VCL: variants seen among roughly 807,000 people sequenced by gnomAD.
VCL encodes the protein vinculin.
Under a neutral mutation model 125.7 loss-of-function variants are expected in VCL, and 47 were observed. The ratio of observed to expected loss-of-function variants is 0.37; its 90% CI spans 0.30 to 0.48. The LOEUF is 0.48. VCL is among the 20% of genes least tolerant of loss of function. The probability of loss-of-function intolerance (pLI) is 0.99; values close to 1 mark genes in which losing one functional copy is unlikely to be tolerated. For missense variants in VCL, 1,069 were observed against 1,455.5 expected, an observed-to-expected ratio of 0.73 and a Z score of 4.32; for synonymous variants, 458 against 514.6, an observed-to-expected ratio of 0.89 and a Z score of 1.49.
intron 1 of VCL, among the ~76,000 whole-genome samples, chr10:73,998,928 C>G (rs778416494): frequency 6.6e-6 from 1 of 152,188 alleles, no homozygotes; most frequent in African/African-American, 2.4e-5. Context: ...CGCCCACCCC[C>G]GCTCCCCAGA....
At chr10:74,112,503 C>A (rs1342627586) in intron 19 of VCL, among the ~76,000 whole-genome samples, 1 of 152,200 alleles carries the variant, frequency 6.6e-6, no homozygotes, top group Non-Finnish European at 1.5e-5. Context: ...CTGCTCCCAA[C>A]TGACCCCTCA....
At chr10:74,018,177 G>GATAGATATATATATATATAT (rs1840589173) in intron 1 of VCL, among the ~76,000 whole-genome samples, 3 of 81,908 alleles carry the variant, frequency 3.7e-5, no homozygotes, top group Non-Finnish European at 7.8e-5. Context: ...ATATATATAG[G>GATAGATATATATATATATAT]ATATATATAT....
At chr10:74,029,239 T>A (rs956526500) in intron 1 of VCL, among the ~76,000 whole-genome samples, 5 of 151,818 alleles carry the variant, frequency 3.3e-5, no homozygotes, top group African/African-American at 1.2e-4. Context: ...TCAGCCTCCC[T>A]AGTAGCTGGG....
chr10:74,104,006 T>C (rs1840096277), intron 15 of VCL, 78 bp downstream of exon 15: 1 of 1,408,818 alleles, frequency 7.1e-7, no homozygotes, highest in Non-Finnish European at 1.0e-6. Flanking sequence ...ACTGGTTCTG[T>C]TACTCAGCTG....
chr10:74,034,740 T>C (rs1391084117), intron 1 of VCL, among the ~76,000 whole-genome samples: 3 of 152,204 alleles, frequency 2.0e-5, no homozygotes, highest in African/African-American at 4.8e-5. Flanking sequence ...TCTTAAACAC[T>C]GAACTCTGGC....
intron 6 of VCL, among the ~76,000 whole-genome samples, chr10:74,080,414 G>A (rs1159474620): frequency 1.3e-5 from 2 of 152,090 alleles, no homozygotes; most frequent in African/African-American, 4.8e-5. Context: ...TTAATTTGTA[G>A]TATTATTTAA....
chr10:74,052,543 AT>A (rs1225198991), intron 2 of VCL, among the ~76,000 whole-genome samples: 5 of 151,686 alleles, frequency 3.3e-5, no homozygotes, highest in African/African-American at 1.2e-4. Flanking sequence ...CTCCCAGCTG[AT>A]TTTTTGTATT....
chr10:74,113,103 T>C (rs1840254664), intron 19 of VCL, among the ~76,000 whole-genome samples: 1 of 152,220 alleles, frequency 6.6e-6, no homozygotes, highest in South Asian at 2.1e-4. Flanking sequence ...TGCAGTGGTA[T>C]GGTTTGTGTA....
intron 1 of VCL, among the ~76,000 whole-genome samples, chr10:74,009,234 C>G (rs1338263117): frequency 7.2e-6 from 1 of 138,562 alleles, no homozygotes; most frequent in Non-Finnish European, 1.5e-5. Flanking sequence ...CCCCCCCGAG[C>G]CATTTTAGTA....
At chr10:74,092,511 C>G (rs1839905720) in intron 10 of VCL, among the ~76,000 whole-genome samples, 1 of 152,114 alleles carries the variant, frequency 6.6e-6, no homozygotes, top group Non-Finnish European at 1.5e-5. Flanking sequence ...TGAATGTGGC[C>G]AGATCTTGGG....
intron 6 of VCL, chr10:74,077,689 C>T (rs1358385681): frequency 4.4e-6 from 2 of 452,536 alleles, no homozygotes; most frequent in South Asian, 1.6e-5. Flanking sequence ...TTCATGCCTC[C>T]CCATTGGTGC....
Position 74,018,297 on chromosome 10 carries a change from A to T in VCL, c.168+19922A>T, listed in dbSNP as rs1051433052. Among the ~76,000 whole-genome samples the T allele has an allele frequency of 5.3e-5, 8 of 150,508 alleles. No individual in the cohort carries two copies. In the East Asian group the frequency reaches 1.4e-3, roughly 26 times the overall value. On this transcript the variant is annotated intron_variant, in intron 1 of 21. Transcript: ENST00000211998. ...GGTCTTGAACTCCTGGGCTCATGTG[A>T]TCTACCTGCCTTGGCCTCCCAAAGT...
intron 18 of VCL, among the ~76,000 whole-genome samples, chr10:74,110,665 A>G (rs115530572): frequency 0.013 from 1,921 of 152,310 alleles, 50 homozygotes; most frequent in African/African-American, 0.041. Context: ...ATCCTCCAAC[A>G]TCGTCACCCT....
At chr10:74,008,674 A>G (rs1174513624) in intron 1 of VCL, among the ~76,000 whole-genome samples, 1 of 152,194 alleles carries the variant, frequency 6.6e-6, no homozygotes, top group Non-Finnish European at 1.5e-5. Context: ...CAGCCTTTTC[A>G]TTAAACCTTT....
chr10:74,028,392 T>G (rs1318530164), intron 1 of VCL, among the ~76,000 whole-genome samples: 1 of 140,508 alleles, frequency 7.1e-6, no homozygotes, highest in Non-Finnish European at 1.5e-5. Context: ...CCTTAAGTAA[T>G]CTTTTTTTTT....
intron 2 of VCL, among the ~76,000 whole-genome samples, chr10:74,060,425 G>A (rs141616341): frequency 1.8e-4 from 28 of 152,118 alleles, no homozygotes; most frequent in African/African-American, 4.1e-4. Context: ...GACCGAAGTG[G>A]GTGGATCACT....
chr10:74,044,515 A>T (rs1841158796), intron 2 of VCL, among the ~76,000 whole-genome samples: 1 of 152,228 alleles, frequency 6.6e-6, no homozygotes, highest in Non-Finnish European at 1.5e-5. Flanking sequence ...TACACCCCAA[A>T]TTAAGAACCC....
At chr10:74,067,616 G>A (rs1220860099) in intron 2 of VCL, among the ~76,000 whole-genome samples, 1 of 152,038 alleles carries the variant, frequency 6.6e-6, no homozygotes, top group African/African-American at 2.4e-5. Context: ...TAGATTAATG[G>A]GTAAACAAAC....
Position 74,082,514 on chromosome 10 carries a change from G to A in VCL, c.844G>A (p.Gly282Ser). The change falls in exon 7 of 22, where the codon GGT becomes AGT. Residue 282 changes from glycine to serine, a missense_variant. Coordinates refer to ENST00000211998, the MANE Select transcript of VCL (RefSeq NM_014000.3). ...SIDSKLNQAK[G>S]WLRDPSASPG... ...AGACTCCAAACTGAACCAGGCCAAA[G>A]GTTGGCTCCGTGACCCTAGTGCCTC... 1 of 1,614,184 alleles carries A rather than the reference G, an allele frequency of 6.2e-7. No homozygotes were observed. Among genetic ancestry groups the A allele is most frequent in the Non-Finnish European group, 8.5e-7 (1 of 1,180,028 alleles).
Sources: allele counts gnomAD v4.1 joint callset (sites outside exome capture counted in the v4.1 genomes callset), GRCh38; gene constraint gnomAD v4.1.1; transcripts MANE v1.5; gene names NCBI Gene and HGNC (gene_info 2026-07-23, HGNC 2026-07-21).